KANK1: variants seen among roughly 807,000 people sequenced by gnomAD.
KANK1 encodes KN motif and ankyrin repeat domains 1, also known as KN motif and ankyrin repeat domain-containing protein 1.
Under a neutral mutation model 106.2 loss-of-function variants are expected in KANK1, and 109 were observed. The ratio of observed to expected loss-of-function variants is 1.03; its 90% CI spans 0.88 to 1.20. The LOEUF is 1.20. Among genes scored for constraint, KANK1 ranks in the 50% most tolerant of loss-of-function variants. The probability of loss-of-function intolerance (pLI) is 0.00; values close to 1 mark genes in which losing one functional copy is unlikely to be tolerated. For missense variants in KANK1, 2,399 were observed against 1,710.7 expected, an observed-to-expected ratio of 1.40 and a Z score of -7.10; for synonymous variants, 873 against 652.2, an observed-to-expected ratio of 1.34 and a Z score of -5.16.
At position 538,490 on chromosome 9, in the gene KANK1, GC is replaced by G. The variant is rs1331392753; in HGVS notation, c.-84+33737del. ...AAAACAATTTTGAGGATCCTAAGAG[GC>G]ACATTCTGCCTCAGGCTGGAGCAGT... On this transcript the variant is annotated intron_variant, in intron 1 of 11. Transcript: ENST00000382297. 4.6e-5 allele frequency among the ~76,000 whole-genome samples: 7 copies of G among 152,346 alleles called. No homozygotes were observed. The East Asian group carries it at 1.3e-3, about 29-fold the overall frequency.
intron 1 of KANK1, among the ~76,000 whole-genome samples, chr9:533,769 T>G (rs2060171042): frequency 6.6e-6 from 1 of 152,226 alleles, no homozygotes; most frequent in South Asian, 2.1e-4. Flanking sequence ...TTGAACAGTT[T>G]CTATGCATTA....
At chr9:516,317 G>A (rs1318327676) in intron 1 of KANK1, among the ~76,000 whole-genome samples, 1 of 151,654 alleles carries the variant, frequency 6.6e-6, no homozygotes, top group Non-Finnish European at 1.5e-5. Flanking sequence ...AAAGTTTGCT[G>A]AATTCCTATC....
rs2138876301 is a variant in KANK1, at chr9:676,891, T to C, written c.-82T>C. 2.8e-6 allele frequency: 3 copies of C among 1,076,748 alleles called. No individual in the cohort carries two copies. The highest frequency in any genetic ancestry group is 2.4e-5 in the East Asian group (1 of 41,628). 66.7% of individuals were successfully genotyped at this position (1,076,748 alleles called of 1,614,324 possible). A position where few individuals can be genotyped will look rare whatever the true frequency, so the allele number is the denominator to read the frequency against. The stretch of plus-strand genomic sequence containing the variant: ...ATGGGGCTCTCTTTATTGTTTCAGG[T>C]TGAATGCCTTTGAGAACTTGATGCA... On this transcript the variant is annotated splice_region_variant and 5_prime_UTR_variant, in exon 2 of 12. Transcript: ENST00000382297.
At chr9:602,758 A>T (rs1286035873) in intron 1 of KANK1, among the ~76,000 whole-genome samples, 1 of 151,916 alleles carries the variant, frequency 6.6e-6, no homozygotes, top group Non-Finnish European at 1.5e-5. Flanking sequence ...TTTTAGATTG[A>T]AAGCCTGTTC....
At chr9:634,584 T>C (rs988483603) in intron 1 of KANK1, among the ~76,000 whole-genome samples, 1 of 152,192 alleles carries the variant, frequency 6.6e-6, no homozygotes, top group Admixed American at 6.5e-5. Context: ...TATTCTAGTC[T>C]TGTGGCCTTT....
rs771466626 is a variant in KANK1 at position 711,586 on chromosome 9, C to T, written c.820C>T (p.Leu274=). 1.2e-5 allele frequency: 20 copies of T among 1,614,012 alleles called. No individual in the cohort carries two copies. In the Admixed American group the frequency reaches 2.2e-4, roughly 17 times the overall value. The change falls in exon 3 of 12, where the codon CTG becomes TTG. Residue 274 remains leucine, a synonymous_variant. Transcript: ENST00000382297. ...GCAGATGGCCATTGCTCTGAAACGC[C>T]TGAAGGAGCTGGAGGAGCAGGTGCG... is the stretch of plus-strand genomic sequence containing the variant. ...REQMAIALKR[L]KELEEQVRTI...
intron 6 of KANK1, 105 bp downstream of exon 6, chr9:732,722 C>T (rs1832657359): frequency 8.3e-6 from 11 of 1,320,528 alleles, no homozygotes; most frequent in Non-Finnish European, 1.2e-5. Flanking sequence ...TTGCTTTTAT[C>T]TGTTCCTCAG....
chr9:728,296 C>T (rs534931621), intron 3 of KANK1, among the ~76,000 whole-genome samples: 12 of 152,128 alleles, frequency 7.9e-5, no homozygotes, highest in South Asian at 6.2e-4. Flanking sequence ...CCTCCGGGTT[C>T]GAGCCATTCT....
At chr9:594,278 T>C (rs1825694418) in intron 1 of KANK1, among the ~76,000 whole-genome samples, 2 of 152,008 alleles carry the variant, frequency 1.3e-5, no homozygotes, top group Middle Eastern at 3.4e-3. Context: ...TAAATAGTAG[T>C]GTAGTTTTCA....
At chr9:608,783 TAAC>T (rs1251009329) in intron 1 of KANK1, among the ~76,000 whole-genome samples, 2 of 152,194 alleles carry the variant, frequency 1.3e-5, no homozygotes, top group African/African-American at 4.8e-5. Context: ...CAGAGTTACT[TAAC>T]AACCTCCACC....
chr9:564,053 ACTTT>A (rs1043074493), intron 1 of KANK1, among the ~76,000 whole-genome samples: 5 of 144,448 alleles, frequency 3.5e-5, no homozygotes, highest in African/African-American at 5.3e-5. Context: ...TAGAATGTGC[ACTTT>A]CTTTCTTTTT....
intron 3 of KANK1, among the ~76,000 whole-genome samples, chr9:498,582 T>C (rs1166633703): frequency 6.6e-6 from 1 of 152,136 alleles, no homozygotes; most frequent in Non-Finnish European, 1.5e-5. Flanking sequence ...CTTCTTACAA[T>C]TCAATAATAA....
intron 1 of KANK1, among the ~76,000 whole-genome samples, chr9:514,314 C>A (rs34739276): frequency 0.1 from 9,754 of 98,028 alleles, 2,568 homozygotes; most frequent in African/African-American, 0.5. Context: ...GCTTTTTCCT[C>A]TAAAAATAAT....
chr9:719,957 A>C (rs1828870192), intron 3 of KANK1, among the ~76,000 whole-genome samples: 1 of 152,186 alleles, frequency 6.6e-6, no homozygotes, highest in Non-Finnish European at 1.5e-5. Context: ...TAAAGTTTTC[A>C]TTTTAAGTGG....
intron 1 of KANK1, 30 bp from the exon 2 acceptor site, chr9:676,860 A>G (rs1279380905): frequency 1.3e-6 from 1 of 789,438 alleles, no homozygotes; most frequent in East Asian, 2.6e-5. Context: ...TAAATGATCC[A>G]TTTTGATGGG....
At chr9:676,864 T>C (rs553768810) in intron 1 of KANK1, 26 bp from the exon 2 acceptor site, 10 of 801,028 alleles carry the variant, frequency 1.2e-5, no homozygotes, top group Middle Eastern at 4.7e-4. Flanking sequence ...TGATCCATTT[T>C]GATGGGGCTC....
intron 1 of KANK1, among the ~76,000 whole-genome samples, chr9:518,745 C>T (rs1163848850): frequency 1.3e-5 from 2 of 151,424 alleles, no homozygotes; most frequent in South Asian, 2.1e-4. Context: ...GGAGAAAGGG[C>T]GGTGACCCTG....
At chr9:496,418 G>A (rs1235699362) in intron 3 of KANK1, among the ~76,000 whole-genome samples, 1 of 152,112 alleles carries the variant, frequency 6.6e-6, no homozygotes, top group Non-Finnish European at 1.5e-5. Context: ...GCTGGGCATG[G>A]TGGCACATAT....
chr9:663,552 C>T (rs1054763158), intron 1 of KANK1, among the ~76,000 whole-genome samples: 14 of 152,218 alleles, frequency 9.2e-5, no homozygotes, highest in African/African-American at 3.4e-4. Flanking sequence ...TTCTGATTTT[C>T]ATTCTGATGC....
Sources: gnomAD v4.1 joint callset for allele counts (sites outside exome capture counted in the v4.1 genomes callset) on GRCh38, gnomAD v4.1.1 for gene constraint, MANE v1.5 for transcripts, NCBI Gene and HGNC (gene_info 2026-07-23, HGNC 2026-07-21) for gene names.